Variants in PRKCH observed in about 807,000 individuals in gnomAD.
The protein encoded by PRKCH is protein kinase C eta.
In PRKCH, 28 loss-of-function variants were observed where a neutral mutation model predicts 82.5. The observed-to-expected ratio is 0.34, with a 90% confidence interval of 0.25 to 0.47. The LOEUF (loss-of-function observed/expected upper bound fraction) is 0.47. Ranked by LOEUF, PRKCH falls within the 20% of genes least tolerant of loss-of-function variation. The pLI is 1.00. For synonymous variants in PRKCH, 322 were observed against 327.4 expected (o/e 0.98, Z 0.18); for missense variants, 705 against 881.8 (o/e 0.80, Z 2.54).
chr14:61,358,911 G>C (rs1276416620), intron 1 of PRKCH, among the ~76,000 whole-genome samples: 1 of 152,110 alleles, frequency 6.6e-6, no homozygotes, highest in Non-Finnish European at 1.5e-5. Flanking sequence ...TGAGGACTCA[G>C]CTCAGCTATC....
chr14:61,279,213 A>G (rs544809774), intron 1 of PRKCH: 2 of 152,322 alleles, frequency 1.3e-5, no homozygotes, highest in South Asian at 2.1e-4. Context: ...TAAAATATCA[A>G]ATGAATCACA....
chr14:61,397,669 G>A (rs1416769045), intron 2 of PRKCH, among the ~76,000 whole-genome samples: 1 of 152,144 alleles, frequency 6.6e-6, no homozygotes, highest in Non-Finnish European at 1.5e-5. Flanking sequence ...TGTATGCCAG[G>A]GACTGTTTCA....
chr14:61,387,026 C>T (rs915074194), intron 1 of PRKCH, among the ~76,000 whole-genome samples: 3 of 152,178 alleles, frequency 2.0e-5, no homozygotes. Flanking sequence ...CTCAGCTCTC[C>T]CCTCTTTGTT....
chr14:61,465,244 A>G (rs557489199), intron 9 of PRKCH, among the ~76,000 whole-genome samples: 6 of 152,192 alleles, frequency 3.9e-5, no homozygotes, highest in Non-Finnish European at 7.4e-5. Context: ...CCATTTGTCT[A>G]TTTTTGCTTT....
At chr14:61,378,029 T>C (rs2046447966) in intron 1 of PRKCH, among the ~76,000 whole-genome samples, 1 of 152,178 alleles carries the variant, frequency 6.6e-6, no homozygotes, top group Non-Finnish European at 1.5e-5. Context: ...ATTCCTCCAA[T>C]GACACTGATC....
intron 9 of PRKCH, among the ~76,000 whole-genome samples, chr14:61,482,632 C>CT (rs1175677969): frequency 8.5e-5 from 13 of 152,144 alleles, no homozygotes; most frequent in African/African-American, 3.1e-4. Context: ...GAATTACACT[C>CT]TGTGTTCCAG....
At chr14:61,529,869 A>G (rs946741893) in intron 11 of PRKCH, among the ~76,000 whole-genome samples, 2 of 148,358 alleles carry the variant, frequency 1.3e-5, no homozygotes, top group East Asian at 4.0e-4. Context: ...ACTAACCTGC[A>G]CAATGTGCGC....
intron 1 of PRKCH, among the ~76,000 whole-genome samples, chr14:61,323,744 C>T (rs1037824158): frequency 1.6e-4 from 25 of 152,296 alleles, no homozygotes; most frequent in South Asian, 4.1e-4. Flanking sequence ...GCCTAATTTA[C>T]TTTGTGGTAC....
intron 1 of PRKCH, among the ~76,000 whole-genome samples, chr14:61,325,742 T>G (rs1392007822): frequency 6.6e-6 from 1 of 152,078 alleles, no homozygotes; most frequent in East Asian, 1.9e-4. Flanking sequence ...ATAAAAGAAC[T>G]CTAACAGCAC....
chr14:61,497,176 A>G (rs971428530), intron 10 of PRKCH, among the ~76,000 whole-genome samples: 10 of 152,154 alleles, frequency 6.6e-5, no homozygotes, highest in African/African-American at 2.4e-4. Flanking sequence ...GGCATTGTGG[A>G]TAAGAGCTGG....
intron 10 of PRKCH, among the ~76,000 whole-genome samples, chr14:61,495,503 T>A (rs1010498743): frequency 6.6e-6 from 1 of 152,254 alleles, no homozygotes; most frequent in African/African-American, 2.4e-5. Context: ...TTAATCTTTA[T>A]GTATTAAATG....
At chr14:61,272,124 A>T (rs2045159236) in intron 1 of PRKCH, among the ~76,000 whole-genome samples, 1 of 151,488 alleles carries the variant, frequency 6.6e-6, no homozygotes, top group African/African-American at 2.4e-5. Context: ...GCTACTCGGG[A>T]GGCTGAGGCA....
chr14:61,378,230 T>C (rs865969388), intron 1 of PRKCH, among the ~76,000 whole-genome samples: 1 of 128,176 alleles, frequency 7.8e-6, no homozygotes, highest in Non-Finnish European at 1.8e-5. Flanking sequence ...TTTTCTTTTT[T>C]TTTTTTTGAG....
intron 1 of PRKCH, among the ~76,000 whole-genome samples, chr14:61,265,436 G>T (rs534554786): frequency 6.6e-5 from 10 of 152,256 alleles, no homozygotes; most frequent in African/African-American, 2.4e-4. Context: ...AGCCAAGATC[G>T]TGCCGTTGCA....
chr14:61,471,692 G>T (rs1885511285), intron 9 of PRKCH, among the ~76,000 whole-genome samples: 3 of 151,972 alleles, frequency 2.0e-5, no homozygotes, highest in African/African-American at 7.2e-5. Context: ...TCACTGATTT[G>T]CATAATGCAG....
chr14:61,442,864 A>G (rs1243614814), intron 2 of PRKCH: 3 of 325,236 alleles, frequency 9.2e-6, no homozygotes, highest in Non-Finnish European at 1.7e-5. Flanking sequence ...CTTGGGCCTG[A>G]GAGTTCAAGG....
intron 11 of PRKCH, 102 bp from the exon 12 acceptor site, chr14:61,530,305 A>G (rs902615894): frequency 3.1e-6 from 4 of 1,303,314 alleles, no homozygotes; most frequent in Non-Finnish European, 3.1e-6. Context: ...CTTTTTTAAA[A>G]AAACTTTGAT....
At chr14:61,467,672 A>G (rs1256864909) in intron 9 of PRKCH, among the ~76,000 whole-genome samples, 4 of 152,236 alleles carry the variant, frequency 2.6e-5, no homozygotes, top group Admixed American at 6.5e-5. Flanking sequence ...GCCTCTGTTC[A>G]TGCCTTGGGG....
chr14:61,330,295 C>T (rs2045767366), intron 1 of PRKCH, among the ~76,000 whole-genome samples: 1 of 152,170 alleles, frequency 6.6e-6, no homozygotes, highest in African/African-American at 2.4e-5. Context: ...ACAGTCTTTG[C>T]TCAAAAGAAG....
Sources: gnomAD v4.1 joint callset for allele counts (sites outside exome capture counted in the v4.1 genomes callset) on GRCh38, gnomAD v4.1.1 for gene constraint, MANE v1.5 for transcripts, NCBI Gene and HGNC (gene_info 2026-07-23, HGNC 2026-07-21) for gene names.